Variants in FAT1 observed in about 807,000 individuals in gnomAD.
FAT1 encodes the protein FAT atypical cadherin 1, also known as protocadherin Fat 1.
In FAT1, 171 loss-of-function variants were observed where a neutral mutation model predicts 329.8. That is an observed-to-expected ratio of 0.52 (90% confidence interval 0.46 to 0.59). The LOEUF is 0.59. Ranked by LOEUF, FAT1 falls within the 20% of genes least tolerant of loss-of-function variation. The pLI is 0.00. For synonymous variants in FAT1, 2,233 were observed against 2,228.6 expected (o/e 1.00, Z -0.06); for missense variants, 5,672 against 5,774.4 (o/e 0.98, Z 0.57).
chr4:186,606,578 G>A lies in FAT1; in HGVS notation c.10207-365C>T, dbSNP rs189121930. ...CTGTTGCTTCGGTAAGATGGGAGCA[G>A]CCTTCCTTAGGGCCCCAAGTTTGCT... On this transcript the variant is annotated intron_variant, in intron 16 of 26. Transcript: ENST00000441802. 3.0e-4 allele frequency among the ~76,000 whole-genome samples: 45 copies of A among 152,260 alleles called. No homozygotes were observed. The East Asian group carries it at 7.3e-3, about 25-fold the overall frequency.
chr4:186,628,125 T>A (rs1297171840), intron 9 of FAT1, 29 bp downstream of exon 9: 1 of 1,603,520 alleles, frequency 6.2e-7, no homozygotes, highest in East Asian at 2.2e-5. Flanking sequence ...ACTGCAAATT[T>A]AAAATGCCAC....
In FAT1 at chr4:186,620,601, G is replaced by A. The variant is rs754717977; in HGVS notation, c.5985C>T (p.Ala1995=). Residue 1995 remains alanine, a synonymous_variant, in exon 10 of 27, where the codon GCC becomes GCT. Coordinates refer to ENST00000441802, the MANE Select transcript of FAT1 (RefSeq NM_005245.4). ...SAVVKENSTE[A]ETLAVITAIG... ...TAGCAGTAATGACAGCTAATGTTTCGGCCTCGGTGGAATTCTCTTTCACTA... is the reference window on the plus strand; with the variant it reads ...TAGCAGTAATGACAGCTAATGTTTCAGCCTCGGTGGAATTCTCTTTCACTA... 4.8e-5 allele frequency: 77 copies of A among 1,613,798 alleles called. No individual in the cohort carries two copies. Among genetic ancestry groups the A allele is most frequent in the Middle Eastern group, 1.6e-4 (1 of 6,084 alleles).
intron 26 of FAT1, chr4:186,592,706 C>T (rs916237397): frequency 2.8e-5 from 13 of 456,550 alleles, no homozygotes; most frequent in African/African-American, 1.2e-4. Context: ...CTGTGCTCAC[C>T]GTGTCAACCA....
At chr4:186,642,608 C>T (rs150068321) in intron 3 of FAT1, among the ~76,000 whole-genome samples, 2,326 of 152,240 alleles carry the variant, frequency 0.015, 26 homozygotes, top group Middle Eastern at 0.031. Context: ...TTATAGGCAG[C>T]GTGTGCCAGG....
At chr4:186,597,581 C>A in intron 24 of FAT1, 101 bp downstream of exon 24, 1 of 763,340 alleles carries the variant, frequency 1.3e-6, no homozygotes, top group Non-Finnish European at 2.2e-6. Context: ...TTATCAAAAT[C>A]TGACATAATG....
intron 7 of FAT1, among the ~76,000 whole-genome samples, chr4:186,631,368 C>T (rs987547610): frequency 2.0e-5 from 3 of 150,836 alleles, no homozygotes; most frequent in Admixed American, 6.6e-5. Flanking sequence ...TCCATCCCCG[C>T]GGTATCCTAG....
chr4:186,632,976 T>A (rs1230430412), intron 7 of FAT1, among the ~76,000 whole-genome samples: 1 of 152,206 alleles, frequency 6.6e-6, no homozygotes, highest in Non-Finnish European at 1.5e-5. Context: ...CCTTCCAGAA[T>A]GGTGCCTGGC....
intron 3 of FAT1, among the ~76,000 whole-genome samples, chr4:186,661,523 G>A: frequency 6.6e-6 from 1 of 152,218 alleles, no homozygotes; most frequent in Non-Finnish European, 1.5e-5. Context: ...GCTACGGGAA[G>A]GTGAACAAGA....
intron 2 of FAT1, among the ~76,000 whole-genome samples, chr4:186,692,534 G>A (rs1040616630): frequency 3.9e-5 from 6 of 152,072 alleles, no homozygotes; most frequent in Admixed American, 2.6e-4. Flanking sequence ...GGATGGTCTC[G>A]ATCTCCTGAC....
At chr4:186,711,820 T>A (rs1244033981) in intron 1 of FAT1, among the ~76,000 whole-genome samples, 3 of 152,150 alleles carry the variant, frequency 2.0e-5, no homozygotes, top group Non-Finnish European at 4.4e-5. Context: ...CTCCAGAGGC[T>A]GAGGCAGGAG....
intron 3 of FAT1, among the ~76,000 whole-genome samples, chr4:186,656,151 A>G (rs1384468845): frequency 6.6e-6 from 1 of 152,202 alleles, no homozygotes; most frequent in Non-Finnish European, 1.5e-5. Context: ...TGGCTGGTTT[A>G]AGTAATTTCA....
At chr4:186,723,605 A>G (rs188787501) in intron 1 of FAT1, 59 bp downstream of exon 1, 2 of 152,118 alleles carry the variant, frequency 1.3e-5, no homozygotes, top group Non-Finnish European at 2.9e-5. Context: ...CAGAGTCCGC[A>G]CCGCAGCGCG....
chr4:186,654,925 A>G (rs1479476959), intron 3 of FAT1, among the ~76,000 whole-genome samples: 3 of 151,882 alleles, frequency 2.0e-5, no homozygotes, highest in African/African-American at 7.3e-5. Flanking sequence ...CAAAAAAAAA[A>G]ACAAAAAAAA....
In FAT1 at chr4:186,600,433, C is replaced by T. The variant is rs1738757225; in HGVS notation, c.11641-73G>A. On this transcript the variant is annotated intron_variant, in intron 21 of 26. Coordinates refer to ENST00000441802, the MANE Select transcript of FAT1 (RefSeq NM_005245.4). Reference sequence around the variant, plus strand: ...ATGAGAGCACCTGATCACAAATCTACAGGAGAGGGCTTAGGGAGTGAGGGT... The same window carrying T: ...ATGAGAGCACCTGATCACAAATCTATAGGAGAGGGCTTAGGGAGTGAGGGT... 9 of 1,301,996 alleles carry T rather than the reference C, an allele frequency of 6.9e-6. No homozygotes were observed. In the South Asian group the frequency reaches 1.1e-4, roughly 16 times the overall value. The allele number at this position is 1,301,996 out of a possible 1,614,324, so 80.7% of individuals were successfully genotyped here. A position where few individuals can be genotyped will look rare whatever the true frequency, so the allele number is the denominator to read the frequency against.
chr4:186,677,491 G>GT (rs200804199), intron 2 of FAT1, among the ~76,000 whole-genome samples: 32,520 of 146,330 alleles, frequency 0.22, 3,973 homozygotes, highest in African/African-American at 0.34. Context: ...TAAATTCAGG[G>GT]TTTTTTTTTT....
At chr4:186,669,647 A>C (rs1387256913) in intron 2 of FAT1, among the ~76,000 whole-genome samples, 2 of 152,210 alleles carry the variant, frequency 1.3e-5, no homozygotes, top group Non-Finnish European at 2.9e-5. Flanking sequence ...TCACTATGGA[A>C]ACTCACTTTA....
rs563941601 is a variant in FAT1 at position 186,614,025 on chromosome 4, G to A, written c.9229+166C>T. 2.0e-5 allele frequency among the ~76,000 whole-genome samples: 3 copies of A among 152,080 alleles called. 1 individual carries two copies. The highest frequency in any genetic ancestry group is 4.2e-4 in the South Asian group (2 of 4,814). On this transcript the variant is annotated intron_variant, in intron 12 of 26. Coordinates refer to ENST00000441802, the MANE Select transcript of FAT1 (RefSeq NM_005245.4). ...TAAAAAATCTCACCTTGAATTTTACGCACTAAATTGCTGGTAAGATTTCTA... is the reference window on the plus strand; with the variant it reads ...TAAAAAATCTCACCTTGAATTTTACACACTAAATTGCTGGTAAGATTTCTA...
intron 1 of FAT1, among the ~76,000 whole-genome samples, chr4:186,712,822 T>TGTCGAGACATTGCCAAACACC (rs1745020893): frequency 9.9e-6 from 1 of 100,726 alleles, no homozygotes; most frequent in Admixed American, 8.9e-5. Flanking sequence ...AATACCTCTA[T>TGTCGAGACATTGCCAAACACC]CTCGAGACAT....
chr4:186,595,296 G>GGT (rs34794741), intron 26 of FAT1, among the ~76,000 whole-genome samples: 1,685 of 149,934 alleles, frequency 0.011, 16 homozygotes, highest in African/African-American at 0.023. Flanking sequence ...TCTTAGAGGG[G>GGT]GTGTGTGTGT....
Sources: allele counts gnomAD v4.1 joint callset (sites outside exome capture counted in the v4.1 genomes callset), GRCh38; gene constraint gnomAD v4.1.1; transcripts MANE v1.5; gene names NCBI Gene and HGNC (gene_info 2026-07-23, HGNC 2026-07-21).